SCAI: variants seen among roughly 807,000 people sequenced by gnomAD.
SCAI encodes suppressor of cancer cell invasion.
A neutral mutation model predicts 92.2 loss-of-function variants in SCAI; 24 were observed. That is an observed-to-expected ratio of 0.26 (90% CI 0.19 to 0.37). The LOEUF (loss-of-function observed/expected upper bound fraction) is 0.37. Ranked by LOEUF, SCAI falls within the 10% of genes least tolerant of loss-of-function variation. SCAI has a pLI of 1.00. For synonymous variants in SCAI, 261 were observed against 258.6 expected, an observed-to-expected ratio of 1.01 and a Z score of -0.09; for missense variants, 450 against 736.2, an observed-to-expected ratio of 0.61 and a Z score of 4.50.
Position 125,123,875 on chromosome 9 carries a change from G to C in SCAI, c.98+18758C>G, listed in dbSNP as rs948340707. On this transcript the variant is annotated intron_variant, in intron 2 of 17. Coordinates refer to ENST00000336505, the MANE Select transcript of SCAI (RefSeq NM_001144877.3). ...ACCTTCAACATGCACTCCCCGTCTA[G>C]AAAAGAATTTCCAGGACACTGTCAA... Among the ~76,000 whole-genome samples the C allele has an allele frequency of 2.0e-5, 3 of 152,346 alleles. No homozygotes were observed. In the East Asian group the frequency reaches 5.8e-4, roughly 29 times the overall value.
intron 2 of SCAI, among the ~76,000 whole-genome samples, chr9:125,109,046 C>CTA (rs1239958298): frequency 6.6e-6 from 1 of 152,226 alleles, no homozygotes; most frequent in Non-Finnish European, 1.5e-5. Context: ...TGCTGTTGAT[C>CTA]TATCACCTTA....
intron 2 of SCAI, among the ~76,000 whole-genome samples, chr9:125,108,287 C>T (rs1310872131): frequency 7.9e-5 from 12 of 152,226 alleles, no homozygotes; most frequent in African/African-American, 2.9e-4. Flanking sequence ...CTCTGCCTGG[C>T]CGCCCATCAT....
At chr9:125,102,052 G>A (rs1348008864) in intron 2 of SCAI, among the ~76,000 whole-genome samples, 2 of 152,076 alleles carry the variant, frequency 1.3e-5, no homozygotes, top group Non-Finnish European at 2.9e-5. Flanking sequence ...CCTTGATGTG[G>A]GTGCTGTCCT....
chr9:124,963,956 AAGGGGAGGCAGGAGAGAC>A (rs369171142), intron 17 of SCAI, among the ~76,000 whole-genome samples: 2,414 of 151,904 alleles, frequency 0.016, 57 homozygotes, highest in African/African-American at 0.055. Flanking sequence ...AAGGAGATGG[AAGGGGAGGCAGGAGAGAC>A]AGGCAACTGG....
intron 3 of SCAI, among the ~76,000 whole-genome samples, chr9:125,052,091 C>A (rs1833571581): frequency 6.6e-6 from 1 of 151,848 alleles, no homozygotes. Flanking sequence ...GGATCACAGA[C>A]CTAAATGTAA....
chr9:124,966,248 C>A (rs1414331515), intron 17 of SCAI, among the ~76,000 whole-genome samples: 1 of 133,334 alleles, frequency 7.5e-6, no homozygotes, highest in East Asian at 2.4e-4. Flanking sequence ...CCACAACAGG[C>A]CCCGGTGTGT....
At chr9:125,041,092 AT>A (rs1316828918) in intron 3 of SCAI, among the ~76,000 whole-genome samples, 3 of 152,202 alleles carry the variant, frequency 2.0e-5, no homozygotes, top group Non-Finnish European at 4.4e-5. Flanking sequence ...AGAAAGCAAA[AT>A]ATTTTCCTAC....
At chr9:125,109,876 T>C (rs184278278) in intron 2 of SCAI, among the ~76,000 whole-genome samples, 7 of 152,072 alleles carry the variant, frequency 4.6e-5, no homozygotes, top group Non-Finnish European at 7.4e-5. Context: ...TTAGTAGAGA[T>C]GGGGTTTCGC....
intron 3 of SCAI, among the ~76,000 whole-genome samples, chr9:125,034,327 G>C (rs1419896414): frequency 1.3e-5 from 2 of 152,156 alleles, no homozygotes; most frequent in African/African-American, 4.8e-5. Flanking sequence ...ATCTGGAAGG[G>C]CAAACTGAAA....
intron 2 of SCAI, among the ~76,000 whole-genome samples, chr9:125,137,571 A>C (rs1366063358): frequency 1.3e-5 from 2 of 152,102 alleles, no homozygotes; most frequent in Non-Finnish European, 2.9e-5. Context: ...ACTGGCAATA[A>C]CTCACTTGGA....
In SCAI at chr9:125,134,363, A is replaced by G. The variant is rs547527956; in HGVS notation, c.98+8270T>C. 3.9e-5 allele frequency among the ~76,000 whole-genome samples: 6 copies of G among 152,300 alleles called. No individual in the cohort carries two copies. In the South Asian group the frequency reaches 1.2e-3, roughly 32 times the overall value. ...CCATTAATACATGAGATTTTCCCCA[A>G]CAACGGCCACCTCACTCATATCTAT... On this transcript the variant is annotated intron_variant, in intron 2 of 17. Transcript: ENST00000336505.
rs1440287800 is a variant in SCAI at position 125,032,189 on chromosome 9, A to AT, written c.231-2451dup. Among the ~76,000 whole-genome samples, 47 of 81,300 alleles carry AT rather than the reference A, an allele frequency of 5.8e-4. 1 individual carries two copies. Among genetic ancestry groups the AT allele is most frequent in the African/African-American group, 1.5e-3 (25 of 17,068 alleles). The allele number at this position is 81,300 out of a possible 152,430, so 53.3% of individuals were successfully genotyped here. A position where few individuals can be genotyped will look rare whatever the true frequency, so the allele number is the denominator to read the frequency against. The stretch of plus-strand genomic sequence containing the variant: ...AAAATGAATATATATATATATATAT[A>AT]TATATATTTTTTTTTTTTTTTGAGA... On this transcript the variant is annotated intron_variant, in intron 3 of 17. Transcript: ENST00000336505.
Position 125,020,601 on chromosome 9 carries a change from T to A in SCAI, c.609+72A>T, listed in dbSNP as rs1832852165. 4 of 654,880 alleles carry A rather than the reference T, an allele frequency of 6.1e-6. 1 individual carries two copies. The South Asian group carries it at 8.2e-5, about 13-fold the overall frequency. 40.6% of individuals were successfully genotyped at this position (654,880 alleles called of 1,614,324 possible). ...ATATCAAAATTATTTTAACCTAAAA[T>A]CTGTTTTTTAAAAATAAGATCATCC... On this transcript the variant is annotated intron_variant, in intron 7 of 17. Transcript: ENST00000336505.
At chr9:125,030,586 C>T (rs1833055281) in intron 3 of SCAI, among the ~76,000 whole-genome samples, 1 of 152,128 alleles carries the variant, frequency 6.6e-6, no homozygotes, top group South Asian at 2.1e-4. Flanking sequence ...ACGTTATTGC[C>T]ATAACAAACA....
intron 2 of SCAI, among the ~76,000 whole-genome samples, chr9:125,100,921 A>G (rs901046757): frequency 2.0e-5 from 3 of 152,188 alleles, no homozygotes; most frequent in African/African-American, 4.8e-5. Context: ...ACAGCAAAAC[A>G]CTGAACTAAA....
intron 9 of SCAI, among the ~76,000 whole-genome samples, chr9:125,017,006 T>C (rs1240850168): frequency 3.3e-5 from 5 of 151,862 alleles, no homozygotes; most frequent in Admixed American, 3.3e-4. Flanking sequence ...CAGAAGAGAG[T>C]AAAAGGCAAG....
At chr9:125,120,924 T>C (rs1476922911) in intron 2 of SCAI, among the ~76,000 whole-genome samples, 1 of 151,646 alleles carries the variant, frequency 6.6e-6, no homozygotes, top group Non-Finnish European at 1.5e-5. Flanking sequence ...ATTTAGGGAC[T>C]TCCCAGAAAA....
In SCAI at chr9:125,026,878, T is replaced by C. The variant is rs771569827; in HGVS notation, c.446A>G (p.Glu149Gly). The C allele has an allele frequency of 6.2e-7, 1 of 1,608,240 alleles. No homozygotes were observed. The highest frequency in any genetic ancestry group is 8.5e-7 in the Non-Finnish European group (1 of 1,175,724). The change falls in exon 6 of 18, where the codon GAG becomes GGG. Residue 149 changes from glutamate (E) to glycine (G), a missense_variant. By Grantham distance (98) the Glu-to-Gly change is moderately conservative. Around this residue, in one of 3 missense-constraint regions of SCAI, gnomAD observed 360 missense variants for 601.8 expected, o/e 0.60. Transcript: ENST00000336505. ...GATTGCAGAATAGAAGGAAAAAGCC[T>C]CATTCAGATAGCTGGTTTCCGATGT... Reference protein sequence around the residue: ...LRTSETSYLNEAFSFYSAIRQ... With the variant: ...LRTSETSYLNGAFSFYSAIRQ...
Position 125,091,838 on chromosome 9 carries a change from A to G in SCAI, c.99-35831T>C, listed in dbSNP as rs1834433273. Among the ~76,000 whole-genome samples, 1 of 152,210 alleles carries G rather than the reference A, an allele frequency of 6.6e-6. No homozygotes were observed. The highest frequency in any genetic ancestry group is 2.4e-5 in the African/African-American group (1 of 41,454). ...TAAAAAACAGAGGCTTGGGCCGGGCACAGTGGCTCACGCCTGTAATCCCAG... is the reference window on the plus strand; with the variant it reads ...TAAAAAACAGAGGCTTGGGCCGGGCGCAGTGGCTCACGCCTGTAATCCCAG... On this transcript the variant is annotated intron_variant, in intron 2 of 17. Transcript: ENST00000336505. This position sits in a 1 kb window ranked among gnomAD's most constrained non-coding sequence, Gnocchi z 4.3.
Sources: allele counts gnomAD v4.1 joint callset (sites outside exome capture counted in the v4.1 genomes callset), GRCh38; gene constraint gnomAD v4.1.1; regional missense constraint gnomAD v4.1.1; non-coding constraint Gnocchi (gnomAD v3.1); transcripts MANE v1.5; gene names NCBI Gene and HGNC (gene_info 2026-07-23, HGNC 2026-07-21).